MSRA: variants seen among roughly 807,000 people sequenced by gnomAD.
MSRA encodes the protein methionine sulfoxide reductase A.
In MSRA, 54 loss-of-function variants were observed where a neutral mutation model predicts 31.3. The observed-to-expected ratio is 1.73, with a 90% CI of 1.39 to 2.17. The LOEUF (loss-of-function observed/expected upper bound fraction) is 2.17, where lower values mean the gene tolerates loss of function less well. Ranked by LOEUF, MSRA falls within the 30% of genes most tolerant of loss-of-function variation. MSRA has a pLI of 0.00. For synonymous variants in MSRA, 169 were observed against 116.5 expected (o/e 1.45, Z -2.90); for missense variants, 507 against 300.9 (o/e 1.69, Z -5.07).
At chr8:10,185,646 C>T (rs10112893) in intron 1 of MSRA, among the ~76,000 whole-genome samples, 19,673 of 152,142 alleles carry the variant, frequency 0.13, 3,408 homozygotes, top group African/African-American at 0.4. Context: ...GCAGATGGTT[C>T]TCTGTGATCT....
intron 1 of MSRA, among the ~76,000 whole-genome samples, chr8:10,155,484 T>G (rs931227947): frequency 1.1e-4 from 16 of 152,218 alleles, no homozygotes; most frequent in Admixed American, 9.8e-4. Context: ...TTTCTAGTTG[T>G]ATCAGCTGAA....
chr8:10,238,751 A>G (rs940617293), intron 2 of MSRA, among the ~76,000 whole-genome samples: 27 of 152,166 alleles, frequency 1.8e-4, no homozygotes, highest in African/African-American at 6.5e-4. Context: ...CCCCTACATA[A>G]AAATTATTTC....
At chr8:10,265,673 A>G (rs1228833665) in intron 3 of MSRA, among the ~76,000 whole-genome samples, 2 of 152,224 alleles carry the variant, frequency 1.3e-5, no homozygotes, top group Non-Finnish European at 2.9e-5. Flanking sequence ...ATAGGTAGAC[A>G]CTGTAAAGCC....
intron 1 of MSRA, among the ~76,000 whole-genome samples, chr8:10,195,715 CT>C (rs1807913809): frequency 1.3e-5 from 2 of 152,302 alleles, no homozygotes; most frequent in African/African-American, 4.8e-5. Context: ...CTCTTTTCTT[CT>C]TAAAGTCACA....
At chr8:10,185,894 CA>C (rs961671760) in intron 1 of MSRA, among the ~76,000 whole-genome samples, 7 of 144,558 alleles carry the variant, frequency 4.8e-5, no homozygotes, top group African/African-American at 2.0e-4. Context: ...AATTTCCATT[CA>C]TTTTTTTTTT....
intron 5 of MSRA, among the ~76,000 whole-genome samples, chr8:10,421,480 C>T (rs561517498): frequency 6.6e-6 from 1 of 152,104 alleles, no homozygotes; most frequent in East Asian, 1.9e-4. Flanking sequence ...AGGAGCCATC[C>T]TGCATTTCCC....
At chr8:10,383,015 C>G (rs1806168086) in intron 5 of MSRA, among the ~76,000 whole-genome samples, 2 of 152,174 alleles carry the variant, frequency 1.3e-5, no homozygotes, top group Admixed American at 6.5e-5. Flanking sequence ...TTGAAATGGG[C>G]AAGAGGTAGG....
intron 5 of MSRA, among the ~76,000 whole-genome samples, chr8:10,364,211 G>A (rs1470143770): frequency 1.3e-5 from 2 of 152,174 alleles, no homozygotes; most frequent in Non-Finnish European, 2.9e-5. Flanking sequence ...AATTGTCCCT[G>A]CCCGTATGAG....
At chr8:10,208,326 T>A (rs1809188716) in intron 2 of MSRA, among the ~76,000 whole-genome samples, 1 of 152,194 alleles carries the variant, frequency 6.6e-6, no homozygotes, top group Admixed American at 6.5e-5. Flanking sequence ...TTCTCCATCA[T>A]GAATTAAGCA....
chr8:10,205,849 C>T lies in MSRA; in HGVS notation c.143-1984C>T, dbSNP rs561793503. Among the ~76,000 whole-genome samples, 3 of 152,154 alleles carry T rather than the reference C, an allele frequency of 2.0e-5. No homozygotes were observed. In the East Asian group the frequency reaches 5.8e-4, roughly 29 times the overall value. On this transcript the variant is annotated intron_variant, in intron 1 of 5. Transcript: ENST00000317173. ...AGGATTGTGTTTCCTTACCATTATC[C>T]CAAATATTTTCCCACATTTCTGTAT...
At chr8:10,169,763 C>T (rs2129045796) in intron 1 of MSRA, among the ~76,000 whole-genome samples, 1 of 152,278 alleles carries the variant, frequency 6.6e-6, no homozygotes, top group African/African-American at 2.4e-5. Context: ...CCTAACCATT[C>T]ATCATTAGTA....
intron 1 of MSRA, among the ~76,000 whole-genome samples, chr8:10,115,427 A>G (rs1400726773): frequency 6.6e-6 from 1 of 152,216 alleles, no homozygotes; most frequent in African/African-American, 2.4e-5. Flanking sequence ...AGGCAAGGAA[A>G]GATCCTTTCC....
chr8:10,092,202 A>G (rs1798892911), intron 1 of MSRA, among the ~76,000 whole-genome samples: 2 of 151,796 alleles, frequency 1.3e-5, no homozygotes, highest in South Asian at 2.1e-4. Flanking sequence ...TTTAATTTCC[A>G]TATATTTGTG....
intron 3 of MSRA, among the ~76,000 whole-genome samples, chr8:10,255,446 A>G (rs529414644): frequency 6.6e-6 from 1 of 152,310 alleles, no homozygotes; most frequent in East Asian, 1.9e-4. Context: ...TTTCAATTTC[A>G]GCCTGATTCC....
At chr8:10,209,209 G>A (rs988701558) in intron 2 of MSRA, among the ~76,000 whole-genome samples, 1 of 152,232 alleles carries the variant, frequency 6.6e-6, no homozygotes, top group Non-Finnish European at 1.5e-5. Flanking sequence ...TCCTGTCCCA[G>A]CATGGTGTCT....
intron 1 of MSRA, among the ~76,000 whole-genome samples, chr8:10,082,788 G>T (rs773472383): frequency 1.3e-5 from 2 of 152,080 alleles, no homozygotes; most frequent in African/African-American, 4.8e-5. Flanking sequence ...TATTCCACCC[G>T]CTCCTCGTGT....
intron 1 of MSRA, among the ~76,000 whole-genome samples, chr8:10,142,494 C>G (rs1385538519): frequency 2.6e-5 from 4 of 152,216 alleles, no homozygotes; most frequent in African/African-American, 7.2e-5. Flanking sequence ...GGATCAATCT[C>G]TAGGGAAATG....
intron 1 of MSRA, among the ~76,000 whole-genome samples, chr8:10,158,729 T>G (rs1804387963): frequency 6.6e-6 from 1 of 152,240 alleles, no homozygotes; most frequent in South Asian, 2.1e-4. Flanking sequence ...ACGTTTTCCT[T>G]TGTCTTAGAT....
At chr8:10,397,569 C>T (rs1351735270) in intron 5 of MSRA, among the ~76,000 whole-genome samples, 2 of 152,134 alleles carry the variant, frequency 1.3e-5, no homozygotes, top group Admixed American at 1.3e-4. Context: ...AGGGCAGGGG[C>T]CACATCTTTC....
Sources: gnomAD v4.1 joint callset for allele counts (sites outside exome capture counted in the v4.1 genomes callset) on GRCh38, gnomAD v4.1.1 for gene constraint, MANE v1.5 for transcripts, NCBI Gene and HGNC (gene_info 2026-07-23, HGNC 2026-07-21) for gene names.